ATL3: variants seen among roughly 807,000 people sequenced by gnomAD.
The protein encoded by ATL3 is atlastin-3.
In ATL3, 49 loss-of-function variants were observed where a neutral mutation model predicts 69.5. That is an observed-to-expected ratio of 0.71 (90% CI 0.56 to 0.89). The LOEUF (loss-of-function observed/expected upper bound fraction) is 0.89. Among genes scored for constraint, ATL3 ranks in the 40% least tolerant of loss-of-function variants. The probability of loss-of-function intolerance (pLI) is 0.00; values close to 1 mark genes in which losing one functional copy is unlikely to be tolerated. For synonymous variants in ATL3, 214 were observed against 224.1 expected (o/e 0.95, Z 0.40); for missense variants, 606 against 645.7 (o/e 0.94, Z 0.67).
At chr11:63,638,962 C>T (rs1240452869) in intron 8 of ATL3, among the ~76,000 whole-genome samples, 1 of 152,172 alleles carries the variant, frequency 6.6e-6, no homozygotes, top group Admixed American at 6.5e-5. Context: ...ACAAAAATTA[C>T]ACTTTAAGTT....
chr11:63,634,742 A>C (rs894317682), intron 10 of ATL3, among the ~76,000 whole-genome samples: 3 of 152,190 alleles, frequency 2.0e-5, no homozygotes, highest in African/African-American at 7.2e-5. Flanking sequence ...ATAACAGGTC[A>C]GGCACAGTGG....
intron 8 of ATL3, among the ~76,000 whole-genome samples, chr11:63,640,594 CTTTTTTTT>C (rs1172516886): frequency 2.4e-5 from 2 of 84,346 alleles, no homozygotes; most frequent in South Asian, 3.7e-4. Flanking sequence ...ACCATAGTAT[CTTTTTTTT>C]TTTTTTTTTT....
intron 11 of ATL3, chr11:63,632,284 A>G: frequency 1.3e-6 from 1 of 764,300 alleles, no homozygotes; most frequent in South Asian, 1.3e-5. Context: ...GTATGGCTGT[A>G]TAGCTCACTG....
rs1476943104 is a variant in ATL3 at position 63,625,119 on chromosome 11, G to A, written c.*4200C>T. 1 of 152,166 alleles carries A rather than the reference G, an allele frequency of 6.6e-6. No homozygotes were observed. Among genetic ancestry groups the A allele is most frequent in the African/African-American group, 2.4e-5 (1 of 41,426 alleles). 9.4% of individuals were successfully genotyped at this position (152,166 alleles called of 1,614,324 possible). On this transcript the variant is annotated 3_prime_UTR_variant, in exon 13 of 13. Transcript: ENST00000398868. ...AAACATAGCTACAACAGGACTTACAGCAAGAAAAACCATTTGACTGCAAAT... is the reference window on the plus strand; with the variant it reads ...AAACATAGCTACAACAGGACTTACAACAAGAAAAACCATTTGACTGCAAAT...
Position 63,631,051 on chromosome 11 carries a change from C to T in ATL3, c.1528G>A (p.Val510Met), listed in dbSNP as rs753236635. 1 of 1,610,950 alleles carries T rather than the reference C, an allele frequency of 6.2e-7. No homozygotes were observed. Among genetic ancestry groups the T allele is most frequent in the African/African-American group, 1.3e-5 (1 of 74,870 alleles). ...GGAIDFGAAY[V>M]LEQASSHIGN... Reference sequence around the variant, plus strand: ...GCAGCACCACTTACCTGCTCCAACACATATGCGGCACCAAAATCAATAGCT... The same window carrying T: ...GCAGCACCACTTACCTGCTCCAACATATATGCGGCACCAAAATCAATAGCT... The change falls in exon 12 of 13, where the codon GTG becomes ATG. Residue 510 changes from valine to methionine, a missense_variant. Val to Met is a conservative substitution (Grantham distance 21). Transcript: ENST00000398868.
At chr11:63,668,879 A>G (rs1940675579) in intron 1 of ATL3, among the ~76,000 whole-genome samples, 1 of 148,948 alleles carries the variant, frequency 6.7e-6, no homozygotes, top group African/African-American at 2.5e-5. Flanking sequence ...TCACTGCAGA[A>G]AAAAGAAAAA....
intron 11 of ATL3, chr11:63,632,479 G>C: frequency 1.2e-6 from 1 of 856,840 alleles, no homozygotes; most frequent in Non-Finnish European, 2.0e-6. Flanking sequence ...AAGAGTAACT[G>C]GTTTGGAAGG....
upstream of ATL3, chr11:63,671,425 A>C (rs1940777144): frequency 1.3e-6 from 2 of 1,514,304 alleles, no homozygotes; most frequent in Admixed American, 2.4e-5. Flanking sequence ...GAAGCGGGAA[A>C]CGGGCGGAGC....
intron 11 of ATL3, chr11:63,632,110 G>A (rs1590717147): frequency 2.4e-5 from 8 of 332,170 alleles, no homozygotes; most frequent in South Asian, 1.9e-4. Flanking sequence ...ACCCACATAC[G>A]CTTTGAGACA....
rs545080859 is a variant in ATL3, at chr11:63,637,272, T to A, written c.851-938A>T. On this transcript the variant is annotated intron_variant, in intron 8 of 12. Transcript: ENST00000398868. ...GCCTGGGCAACAGAGTGAGACTCCA[T>A]CTCAGAAAAAAAAAAAAAGAATTTC... Among the ~76,000 whole-genome samples, 470 of 120,390 alleles carry A rather than the reference T, an allele frequency of 3.9e-3. 2 individuals are homozygous for A. Among genetic ancestry groups the A allele is most frequent in the African/African-American group, 0.012 (457 of 36,890 alleles). The allele number at this position is 120,390 out of a possible 152,430, so 79.0% of individuals were successfully genotyped here.
chr11:63,639,981 T>C (rs996045780), intron 8 of ATL3, among the ~76,000 whole-genome samples: 6 of 151,912 alleles, frequency 3.9e-5, no homozygotes, highest in African/African-American at 1.4e-4. Flanking sequence ...CAGGCTGGAG[T>C]ACAATGGCGC....
chr11:63,633,189 CTT>C, intron 10 of ATL3, 92 bp from the exon 11 acceptor site: 1 of 1,037,066 alleles, frequency 9.6e-7, no homozygotes. Context: ...ATTCCCCATT[CTT>C]CCTTTTTTAT....
intron 3 of ATL3, among the ~76,000 whole-genome samples, chr11:63,654,145 A>ATTTT (rs1330665161): frequency 1.3e-5 from 2 of 149,158 alleles, no homozygotes; most frequent in Non-Finnish European, 3.0e-5. Flanking sequence ...TAAAGATACA[A>ATTTT]TTTGTTTTTT....
At chr11:63,651,800 AGT>A in intron 5 of ATL3, 134 bp downstream of exon 5, 1 of 1,255,352 alleles carries the variant, frequency 8.0e-7, no homozygotes, top group African/African-American at 1.6e-5. Flanking sequence ...GGCTATACAT[AGT>A]ATAGAATTAC....
intron 8 of ATL3, among the ~76,000 whole-genome samples, chr11:63,637,213 T>G (rs997329243): frequency 9.3e-5 from 14 of 150,882 alleles, no homozygotes; most frequent in Non-Finnish European, 1.8e-4. Context: ...AAGGCAGAGG[T>G]TGCAGTGAGC....
chr11:63,666,455 TAC>T (rs1196342861), intron 1 of ATL3, among the ~76,000 whole-genome samples: 1 of 152,112 alleles, frequency 6.6e-6, no homozygotes, highest in Non-Finnish European at 1.5e-5. Flanking sequence ...TGTGGAAATA[TAC>T]AAATTTAGGA....
At chr11:63,646,436 T>G in intron 6 of ATL3, 71 bp downstream of exon 6, 2 of 919,146 alleles carry the variant, frequency 2.2e-6, no homozygotes, top group Non-Finnish European at 3.4e-6. Flanking sequence ...ATTTGGCCTA[T>G]GAGCTGTAGT....
intron 12 of ATL3, among the ~76,000 whole-genome samples, chr11:63,630,385 C>T (rs184425803): frequency 6.8e-6 from 1 of 148,080 alleles, no homozygotes; most frequent in East Asian, 2.0e-4. Flanking sequence ...CAAGATCACA[C>T]CACTTCACTC....
intron 1 of ATL3, chr11:63,670,420 C>G (rs553091462): frequency 6.6e-6 from 1 of 152,306 alleles, no homozygotes; most frequent in East Asian, 1.9e-4. Flanking sequence ...AATTTGAGAA[C>G]TGAGACTCAT....
Sources: gnomAD v4.1 joint callset for allele counts (sites outside exome capture counted in the v4.1 genomes callset) on GRCh38, gnomAD v4.1.1 for gene constraint, MANE v1.5 for transcripts, NCBI Gene and HGNC (gene_info 2026-07-23, HGNC 2026-07-21) for gene names.